Variants in ADAMTSL1 observed in about 807,000 individuals in gnomAD.
The protein encoded by ADAMTSL1 is ADAMTS like 1.
Under a neutral mutation model 201.8 loss-of-function variants are expected in ADAMTSL1, and 126 were observed. That is an observed-to-expected ratio of 0.62 (90% CI 0.54 to 0.72). The LOEUF (loss-of-function observed/expected upper bound fraction) is 0.72. Among genes scored for constraint, ADAMTSL1 ranks in the 30% least tolerant of loss-of-function variants. ADAMTSL1 has a pLI of 0.00. For missense variants in ADAMTSL1, 2,679 were observed against 2,277.8 expected, an observed-to-expected ratio of 1.18 and a Z score of -3.59; for synonymous variants, 1,121 against 903.4, an observed-to-expected ratio of 1.24 and a Z score of -4.32.
chr9:18,229,688 G>A (rs1385656451), intron 2 of ADAMTSL1, among the ~76,000 whole-genome samples: 2 of 151,150 alleles, frequency 1.3e-5, no homozygotes, highest in East Asian at 1.9e-4. Context: ...GTATTTTCTC[G>A]TTCAACCAAC....
intron 2 of ADAMTSL1, among the ~76,000 whole-genome samples, chr9:18,269,644 A>AT (rs1832277556): frequency 6.6e-6 from 1 of 152,144 alleles, no homozygotes; most frequent in South Asian, 2.1e-4. Flanking sequence ...GTCTCCTTTC[A>AT]TTTTATAACT....
chr9:18,252,788 G>T (rs1831517783), intron 2 of ADAMTSL1, among the ~76,000 whole-genome samples: 1 of 152,146 alleles, frequency 6.6e-6, no homozygotes, highest in Non-Finnish European at 1.5e-5. Flanking sequence ...CTTAAATGTT[G>T]CTGGTTGGGT....
rs1036483854 is a variant in ADAMTSL1 at position 18,660,808 on chromosome 9, G to A, written c.947-1127G>A. On this transcript the variant is annotated intron_variant, in intron 8 of 28. Coordinates refer to ENST00000380548, the MANE Select transcript of ADAMTSL1 (RefSeq NM_001040272.6). ...CATCTTTATAGTCAAATTTTAAAAG[G>A]CCTTTTTTTTAGGGTCTTTAATGAA... is the stretch of plus-strand genomic sequence containing the variant. Among the ~76,000 whole-genome samples, 9 of 148,996 alleles carry A rather than the reference G, an allele frequency of 6.0e-5. No homozygotes were observed. The South Asian group carries it at 1.0e-3, about 17-fold the overall frequency.
At chr9:18,079,682 AAAAT>A (rs200603951) in intron 1 of ADAMTSL1, among the ~76,000 whole-genome samples, 39,586 of 141,522 alleles carry the variant, frequency 0.28, 6,358 homozygotes, top group Non-Finnish European at 0.36. Flanking sequence ...ACTCTGTCTC[AAAAT>A]AAATAAATAA....
chr9:18,125,425 A>G (rs1401918390), intron 1 of ADAMTSL1, among the ~76,000 whole-genome samples: 3 of 152,196 alleles, frequency 2.0e-5, no homozygotes, highest in African/African-American at 7.2e-5. Context: ...CACCCAAACC[A>G]TATCAGAAGT....
At chr9:18,563,606 A>T (rs1191903327) in intron 3 of ADAMTSL1, among the ~76,000 whole-genome samples, 1 of 152,136 alleles carries the variant, frequency 6.6e-6, no homozygotes. Flanking sequence ...CTGAAGCCGC[A>T]CCCACAGCCT....
In ADAMTSL1 at chr9:18,368,429, C is replaced by T. The variant is rs1836884834; in HGVS notation, c.208-136400C>T. On this transcript the variant is annotated intron_variant, in intron 2 of 29. Coordinates refer to the ADAMTSL1 transcript ENST00000680146. Reference sequence around the variant, plus strand: ...ATGACTGGGACAAAAGGCAGTAGAACTCATACTTGTTGCATAAGTACAGCA... The same window carrying T: ...ATGACTGGGACAAAAGGCAGTAGAATTCATACTTGTTGCATAAGTACAGCA... Among the ~76,000 whole-genome samples, 3 of 152,158 alleles carry T rather than the reference C, an allele frequency of 2.0e-5. No homozygotes were observed. The South Asian group carries it at 6.2e-4, about 32-fold the overall frequency.
chr9:18,506,122 A>C (rs1201494107), intron 2 of ADAMTSL1, among the ~76,000 whole-genome samples: 1 of 152,166 alleles, frequency 6.6e-6, no homozygotes, highest in Non-Finnish European at 1.5e-5. Context: ...GGTCAATGTG[A>C]TTGTATTTAC....
chr9:18,153,795 A>G (rs968445410), intron 1 of ADAMTSL1, among the ~76,000 whole-genome samples: 1 of 152,094 alleles, frequency 6.6e-6, no homozygotes, highest in African/African-American at 2.4e-5. Flanking sequence ...AGAGAATAGT[A>G]AAGTATGATA....
intron 1 of ADAMTSL1, among the ~76,000 whole-genome samples, chr9:17,994,633 G>A (rs1819298491): frequency 6.6e-6 from 1 of 152,114 alleles, no homozygotes; most frequent in Admixed American, 6.6e-5. Flanking sequence ...TAACTACCTT[G>A]TATTTAAGAT....
chr9:18,797,332 G>T (rs936134923), intron 20 of ADAMTSL1, among the ~76,000 whole-genome samples: 1 of 152,220 alleles, frequency 6.6e-6, no homozygotes, highest in Non-Finnish European at 1.5e-5. Flanking sequence ...ACCCTTACCT[G>T]AGTTTATCAT....
At chr9:18,007,203 A>G (rs1258651671) in intron 1 of ADAMTSL1, among the ~76,000 whole-genome samples, 2 of 152,034 alleles carry the variant, frequency 1.3e-5, no homozygotes, top group African/African-American at 2.4e-5. Flanking sequence ...CTCCTTTTCC[A>G]TACAAATTGC....
chr9:18,324,625 A>T (rs4351499), intron 2 of ADAMTSL1, among the ~76,000 whole-genome samples: 1 of 151,868 alleles, frequency 6.6e-6, no homozygotes, highest in Non-Finnish European at 1.5e-5. Context: ...TTAGCCTGGC[A>T]TGGTGGTGTA....
At chr9:17,919,644 T>A (rs1826229484) in intron 1 of ADAMTSL1, among the ~76,000 whole-genome samples, 1 of 152,136 alleles carries the variant, frequency 6.6e-6, no homozygotes, top group Non-Finnish European at 1.5e-5. Flanking sequence ...GTAGCATATA[T>A]CAGTACTTCA....
intron 3 of ADAMTSL1, among the ~76,000 whole-genome samples, chr9:18,544,225 T>C (rs1820338013): frequency 6.6e-6 from 1 of 152,214 alleles, no homozygotes; most frequent in South Asian, 2.1e-4. Context: ...TTCTTCCACA[T>C]TGCCTTGGTA....
chr9:18,523,400 A>G (rs1356924599), intron 2 of ADAMTSL1, among the ~76,000 whole-genome samples: 1 of 152,146 alleles, frequency 6.6e-6, no homozygotes, highest in Non-Finnish European at 1.5e-5. Context: ...TTGCCTGTTC[A>G]CTATGATGGT....
At chr9:17,967,886 G>T (rs60288474) in intron 1 of ADAMTSL1, among the ~76,000 whole-genome samples, 1,992 of 152,162 alleles carry the variant, frequency 0.013, 38 homozygotes, top group African/African-American at 0.046. Context: ...CTGGGATCAT[G>T]AAAAGTCTAT....
chr9:18,172,687 C>T lies in ADAMTSL1; in HGVS notation c.207+8706C>T, dbSNP rs75664721. On this transcript the variant is annotated intron_variant, in intron 2 of 29. Coordinates refer to the ADAMTSL1 transcript ENST00000680146. ...TCAATTAAGTATTGAATGTTATAGC[C>T]TAAAAATGAAAGAAAATCATGAATA... is the stretch of plus-strand genomic sequence containing the variant. 1.7e-3 allele frequency among the ~76,000 whole-genome samples: 259 copies of T among 151,886 alleles called. 1 individual carries two copies. In the East Asian group the frequency reaches 0.038, roughly 22 times the overall value.
chr9:18,865,503 G>A (rs571655923), intron 23 of ADAMTSL1, among the ~76,000 whole-genome samples: 123 of 152,254 alleles, frequency 8.1e-4, no homozygotes, highest in Middle Eastern at 3.4e-3. Context: ...ATAAACATAT[G>A]TCAATCACAC....
Sources: gnomAD v4.1 joint callset for allele counts (sites outside exome capture counted in the v4.1 genomes callset) on GRCh38, gnomAD v4.1.1 for gene constraint, MANE v1.5 for transcripts, NCBI Gene and HGNC (gene_info 2026-07-23, HGNC 2026-07-21) for gene names.